The following SNX13 variants were observed in gnomAD, a reference collection of about 807,000 sequenced individuals.
SNX13 encodes sorting nexin 13, also known as sorting nexin-13.
Under a neutral mutation model 133.6 loss-of-function variants are expected in SNX13, and 45 were observed. The ratio of observed to expected loss-of-function variants is 0.34; its 90% CI spans 0.27 to 0.43. The LOEUF is 0.43. SNX13 is among the 20% of genes least tolerant of loss of function. The probability of loss-of-function intolerance (pLI) is 1.00; values close to 1 mark genes in which losing one functional copy is unlikely to be tolerated. For synonymous variants in SNX13, 414 were observed against 373.9 expected (o/e 1.11, Z -1.24); for missense variants, 1,032 against 1,145.1 (o/e 0.90, Z 1.43).
At chr7:17,828,854 G>A (rs979351798) in intron 16 of SNX13, among the ~76,000 whole-genome samples, 2 of 151,440 alleles carry the variant, frequency 1.3e-5, no homozygotes, top group African/African-American at 4.8e-5. Flanking sequence ...TACTACAAAT[G>A]TGAATACTAA....
At chr7:17,845,452 G>A in intron 12 of SNX13, 143 bp downstream of exon 12, 1 of 560,502 alleles carries the variant, frequency 1.8e-6, no homozygotes, top group Non-Finnish European at 3.1e-6. Context: ...TGGAGACTCT[G>A]TACAACATCA....
chr7:17,827,321 A>G (rs1366058783), intron 16 of SNX13, among the ~76,000 whole-genome samples: 1 of 151,986 alleles, frequency 6.6e-6, no homozygotes, highest in Non-Finnish European at 1.5e-5. Context: ...TCATTCACAC[A>G]TTTCACATAT....
intron 20 of SNX13, among the ~76,000 whole-genome samples, chr7:17,809,617 G>T (rs1041331025): frequency 6.6e-6 from 1 of 152,178 alleles, no homozygotes; most frequent in Non-Finnish European, 1.5e-5. Context: ...GGACCAAGCG[G>T]ACCTAACAGA....
At chr7:17,850,719 G>A in intron 10 of SNX13, 107 bp downstream of exon 10, 1 of 896,226 alleles carries the variant, frequency 1.1e-6, no homozygotes, top group East Asian at 2.9e-5. Flanking sequence ...ATTTAATTAA[G>A]GTGAAAACAT....
chr7:17,909,620 C>A (rs1046331610), intron 1 of SNX13, among the ~76,000 whole-genome samples: 16 of 152,332 alleles, frequency 1.1e-4, no homozygotes, highest in Middle Eastern at 3.4e-3. Flanking sequence ...AACAAAAAAA[C>A]CGAACACTGC....
At chr7:17,834,298 C>CAGCTTGT in intron 14 of SNX13, 114 bp from the exon 15 acceptor site, 1 of 892,082 alleles carries the variant, frequency 1.1e-6, no homozygotes, top group Non-Finnish European at 1.6e-6. Context: ...ATCATAGTTA[C>CAGCTTGT]AAGCTGTCAG....
intron 21 of SNX13, among the ~76,000 whole-genome samples, chr7:17,801,968 G>A (rs1168948743): frequency 6.6e-6 from 1 of 152,184 alleles, no homozygotes; most frequent in East Asian, 1.9e-4. Context: ...AAAAAGTCAT[G>A]CATCGCATAA....
chr7:17,806,574 T>A (rs1054999087), intron 20 of SNX13, among the ~76,000 whole-genome samples: 1 of 152,116 alleles, frequency 6.6e-6, no homozygotes, highest in African/African-American at 2.4e-5. Context: ...ATATGGTTTA[T>A]GAAAAATGTG....
At position 17,816,236 on chromosome 7, in the gene SNX13, A is replaced by G. The variant is rs767068523; in HGVS notation, c.1899T>C (p.Asn633=). 1.9e-6 allele frequency: 3 copies of G among 1,543,232 alleles called. No homozygotes were observed. The highest frequency in any genetic ancestry group is 4.9e-5 in the East Asian group (2 of 40,788). Residue 633 remains asparagine (N), a synonymous_variant, in exon 19 of 26, where the codon AAT becomes AAC. Transcript: ENST00000428135. Reference sequence around the variant, plus strand: ...TCTTTTCTAAAAAATCTCTATCCATATTATTAAAAGTCTTTTTTCCAGGAA... The same window carrying G: ...TCTTTTCTAAAAAATCTCTATCCATGTTATTAAAAGTCTTTTTTCCAGGAA... ...LKLPGKKTFN[N]MDRDFLEKRK...
rs1315931161 is a variant in SNX13, at chr7:17,792,581, A to G, written c.*1464T>C. ...AAGCTCCCAAATAACTGGGATACCA[A>G]TACTCTGTCCCTTTATCTTAAGCAC... On this transcript the variant is annotated 3_prime_UTR_variant, in exon 26 of 26. Coordinates refer to ENST00000428135, the MANE Select transcript of SNX13 (RefSeq NM_015132.5). 6.6e-6 allele frequency: 1 copy of G among 152,390 alleles called. No individual in the cohort carries two copies. Among genetic ancestry groups the G allele is most frequent in the Non-Finnish European group, 1.5e-5 (1 of 67,888 alleles). The allele number at this position is 152,390 out of a possible 1,614,324, so 9.4% of individuals were successfully genotyped here.
intron 1 of SNX13, among the ~76,000 whole-genome samples, chr7:17,913,272 C>A (rs1799196732): frequency 6.6e-6 from 1 of 152,192 alleles, no homozygotes; most frequent in Non-Finnish European, 1.5e-5. Flanking sequence ...ATCTCTTAAT[C>A]CCCACCACTC....
At chr7:17,799,229 G>C in intron 22 of SNX13, 75 bp from the exon 23 acceptor site, 1 of 1,218,590 alleles carries the variant, frequency 8.2e-7, no homozygotes. Context: ...TTGCTTTTAC[G>C]AAATGATTGA....
chr7:17,920,128 G>A (rs1166073622), intron 1 of SNX13, among the ~76,000 whole-genome samples: 1 of 152,090 alleles, frequency 6.6e-6, no homozygotes, highest in Non-Finnish European at 1.5e-5. Context: ...TTCAAACACA[G>A]GTGAAATAAG....
rs1197170353 is a variant in SNX13, at chr7:17,834,858, G to T, written c.1367C>A (p.Pro456Gln). 3 of 1,593,744 alleles carry T rather than the reference G, an allele frequency of 1.9e-6. No individual in the cohort carries two copies. Among genetic ancestry groups the T allele is most frequent in the African/African-American group, 1.3e-5 (1 of 74,280 alleles). ...TAAATAGTCATCAACAGTAACTCTT[G>T]GAGATGCCTAACAGAGAAAAATAAT... Reference protein sequence around the residue: ...YEQYLSEKASPRVTVDDYLVA... With the variant: ...YEQYLSEKASQRVTVDDYLVA... The change falls in exon 14 of 26, where the codon CCA (proline) becomes CAA (glutamine). Residue 456 changes from proline to glutamine, a missense_variant. By Grantham distance (76) the Pro-to-Gln change is moderately conservative. Coordinates refer to ENST00000428135, the MANE Select transcript of SNX13 (RefSeq NM_015132.5).
chr7:17,877,906 G>C lies in SNX13; in HGVS notation c.441-2116C>G, dbSNP rs558042048. On this transcript the variant is annotated intron_variant, in intron 5 of 25. Transcript: ENST00000428135. ...TGCAAACTTAATATAAATCTCAAAA[G>C]AACTTTCTAGATTAGGAAGAACAAT... Among the ~76,000 whole-genome samples the C allele has an allele frequency of 4.7e-4, 71 of 151,866 alleles. No homozygotes were observed. The South Asian group carries it at 7.1e-3, about 15-fold the overall frequency.
At chr7:17,853,898 G>T (rs1791549341) in intron 9 of SNX13, among the ~76,000 whole-genome samples, 1 of 151,728 alleles carries the variant, frequency 6.6e-6, no homozygotes, top group African/African-American at 2.4e-5. Flanking sequence ...CCAAAATCGT[G>T]CCACTGCACT....
At chr7:17,800,210 T>C (rs1784465787) in intron 22 of SNX13, among the ~76,000 whole-genome samples, 1 of 151,816 alleles carries the variant, frequency 6.6e-6, no homozygotes, top group Admixed American at 6.6e-5. Flanking sequence ...ATGGATATTA[T>C]ACCATCAATA....
chr7:17,915,641 C>T (rs907916199), intron 1 of SNX13, among the ~76,000 whole-genome samples: 4 of 152,088 alleles, frequency 2.6e-5, no homozygotes, highest in Non-Finnish European at 5.9e-5. Context: ...CTCTCTCTCT[C>T]GTCCTTTCTT....
At chr7:17,862,963 T>G (rs771705748) in intron 9 of SNX13, among the ~76,000 whole-genome samples, 1 of 152,082 alleles carries the variant, frequency 6.6e-6, no homozygotes, top group Admixed American at 6.5e-5. Flanking sequence ...CAGTCTCGTA[T>G]TGCCTCCACC....
Sources: allele counts gnomAD v4.1 joint callset (sites outside exome capture counted in the v4.1 genomes callset), GRCh38; gene constraint gnomAD v4.1.1; transcripts MANE v1.5; gene names NCBI Gene and HGNC (gene_info 2026-07-23, HGNC 2026-07-21).